GRID1: variants seen among roughly 807,000 people sequenced by gnomAD.
GRID1 encodes the protein glutamate ionotropic receptor delta type subunit 1.
A neutral mutation model predicts 98.0 loss-of-function variants in GRID1; 28 were observed. That is an observed-to-expected ratio of 0.29 (90% CI 0.21 to 0.39). GRID1 has a LOEUF of 0.39. GRID1 is among the 10% of genes least tolerant of loss of function. The pLI is 1.00. For missense variants in GRID1, 1,111 were observed against 1,340.5 expected, an observed-to-expected ratio of 0.83 and a Z score of 2.67; for synonymous variants, 553 against 538.5, an observed-to-expected ratio of 1.03 and a Z score of -0.37.
intron 4 of GRID1, among the ~76,000 whole-genome samples, chr10:86,084,952 G>A (rs1347322388): frequency 6.6e-6 from 1 of 152,154 alleles, no homozygotes; most frequent in East Asian, 1.9e-4. Context: ...GGAAACGGAT[G>A]GTGGTGATGG....
chr10:85,648,715 T>A (rs1205428559), intron 12 of GRID1, among the ~76,000 whole-genome samples: 3 of 152,114 alleles, frequency 2.0e-5, no homozygotes. Context: ...TTTATCTCCC[T>A]CCTCTAACAA....
At chr10:85,970,675 C>A (rs1842395844) in intron 4 of GRID1, among the ~76,000 whole-genome samples, 1 of 151,958 alleles carries the variant, frequency 6.6e-6, no homozygotes, top group South Asian at 2.1e-4. Context: ...GAAGAAAACT[C>A]CTTCAACCTG....
At chr10:85,675,373 A>C (rs934552723) in intron 12 of GRID1, among the ~76,000 whole-genome samples, 3 of 152,168 alleles carry the variant, frequency 2.0e-5, no homozygotes, top group Non-Finnish European at 4.4e-5. Flanking sequence ...GCTAAAGGAC[A>C]ATGAAGATCT....
chr10:85,828,849 A>G (rs1336455890), intron 8 of GRID1, among the ~76,000 whole-genome samples: 2 of 152,204 alleles, frequency 1.3e-5, no homozygotes, highest in African/African-American at 2.4e-5. Flanking sequence ...CCAGGACTAG[A>G]TGGATTAACA....
At chr10:86,321,518 A>T (rs1179056507) in intron 2 of GRID1, among the ~76,000 whole-genome samples, 1 of 152,228 alleles carries the variant, frequency 6.6e-6, no homozygotes, top group African/African-American at 2.4e-5. Context: ...GGAATCATGA[A>T]GAATGCTTGC....
intron 8 of GRID1, among the ~76,000 whole-genome samples, chr10:85,827,386 C>T (rs573052542): frequency 2.0e-5 from 3 of 148,604 alleles, no homozygotes; most frequent in Admixed American, 1.3e-4. Context: ...TCTCAGAGCT[C>T]GAAAAAAAAA....
intron 8 of GRID1, among the ~76,000 whole-genome samples, chr10:85,776,529 C>T (rs899821128): frequency 1.3e-5 from 2 of 152,314 alleles, no homozygotes; most frequent in East Asian, 1.9e-4. Context: ...GTGGCAAGAA[C>T]TGGGGTGGCC....
chr10:86,063,666 T>G (rs193053428), intron 4 of GRID1, among the ~76,000 whole-genome samples: 9 of 152,188 alleles, frequency 5.9e-5, no homozygotes, highest in African/African-American at 1.2e-4. Context: ...AGTGAATATA[T>G]ATTGATATGG....
intron 2 of GRID1, among the ~76,000 whole-genome samples, chr10:86,293,806 C>T (rs1003443345): frequency 6.6e-6 from 1 of 152,188 alleles, no homozygotes; most frequent in Non-Finnish European, 1.5e-5. Flanking sequence ...CTCCCACAAA[C>T]GTCGTCAGCG....
chr10:85,839,984 C>T (rs1300843406), intron 8 of GRID1, among the ~76,000 whole-genome samples: 1 of 152,112 alleles, frequency 6.6e-6, no homozygotes, highest in African/African-American at 2.4e-5. Flanking sequence ...TATTTCTAGG[C>T]ATATAAGCTA....
intron 4 of GRID1, among the ~76,000 whole-genome samples, chr10:86,087,854 T>C (rs1256167749): frequency 6.6e-6 from 1 of 152,020 alleles, no homozygotes; most frequent in Non-Finnish European, 1.5e-5. Context: ...ATGGCTCTGC[T>C]CAGGATGGTG....
Position 85,794,839 on chromosome 10 carries a change from G to C in GRID1, c.1233+59657C>G, listed in dbSNP as rs1035722202. ...GCCCTTGAGGTCAAACACTGATGTA[G>C]AAGTGTGAAGCTGACATACTGCCAA... On this transcript the variant is annotated intron_variant, in intron 8 of 15. Transcript: ENST00000327946. Among the ~76,000 whole-genome samples, 5 of 152,194 alleles carry C rather than the reference G, an allele frequency of 3.3e-5. No homozygotes were observed. In the East Asian group the frequency reaches 9.7e-4, roughly 29 times the overall value.
chr10:85,641,302 C>T (rs1012451659), intron 13 of GRID1, among the ~76,000 whole-genome samples: 1 of 152,224 alleles, frequency 6.6e-6, no homozygotes, highest in Non-Finnish European at 1.5e-5. Context: ...AATTCTGCAT[C>T]TCCAAGTTTC....
At chr10:86,042,249 T>C (rs1843357478) in intron 4 of GRID1, among the ~76,000 whole-genome samples, 1 of 152,176 alleles carries the variant, frequency 6.6e-6, no homozygotes, top group Admixed American at 6.5e-5. Flanking sequence ...TTTTTCTGTG[T>C]CCCTGGGGTC....
At chr10:86,121,314 T>A (rs1844661815) in intron 4 of GRID1, among the ~76,000 whole-genome samples, 1 of 151,922 alleles carries the variant, frequency 6.6e-6, no homozygotes, top group Admixed American at 6.6e-5. Context: ...ACCATCACCA[T>A]CATCACCACA....
chr10:86,051,518 C>CA (rs201243866), intron 4 of GRID1, among the ~76,000 whole-genome samples: 11,368 of 134,280 alleles, frequency 0.085, 509 homozygotes, highest in African/African-American at 0.14. Flanking sequence ...AGGGAAAAGG[C>CA]AAAAAAAAAA....
At chr10:85,921,051 CAGA>C (rs1211519763) in intron 4 of GRID1, among the ~76,000 whole-genome samples, 2 of 152,218 alleles carry the variant, frequency 1.3e-5, no homozygotes, top group Admixed American at 6.5e-5. Context: ...CACAGAACTT[CAGA>C]AGAAGAATTA....
intron 8 of GRID1, among the ~76,000 whole-genome samples, chr10:85,850,114 C>T (rs780124399): frequency 1.7e-4 from 26 of 152,142 alleles, no homozygotes; most frequent in Non-Finnish European, 3.8e-4. Context: ...GGGTGGATGC[C>T]ACCCACGGAA....
intron 3 of GRID1, 140 bp from the exon 4 acceptor site, chr10:86,139,164 G>A (rs544694405): frequency 1.2e-5 from 8 of 647,588 alleles, no homozygotes; most frequent in East Asian, 5.4e-5. Flanking sequence ...AGTGATTCCC[G>A]TAAACAGAGG....
Sources: allele counts gnomAD v4.1 joint callset (sites outside exome capture counted in the v4.1 genomes callset), GRCh38; gene constraint gnomAD v4.1.1; transcripts MANE v1.5; gene names NCBI Gene and HGNC (gene_info 2026-07-23, HGNC 2026-07-21).